NAV2: variants seen among roughly 807,000 people sequenced by gnomAD.
The protein encoded by NAV2 is helicase, APC down-regulated 1.
Under a neutral mutation model 223.2 loss-of-function variants are expected in NAV2, and 54 were observed. That is an observed-to-expected ratio of 0.24 (90% CI 0.19 to 0.30). NAV2 has a LOEUF of 0.30. Ranked by LOEUF, NAV2 falls within the 10% of genes least tolerant of loss-of-function variation. NAV2 has a pLI of 1.00. For missense variants in NAV2, 2,806 were observed against 3,147.5 expected (o/e 0.89, Z 2.60); for synonymous variants, 1,279 against 1,239.3 (o/e 1.03, Z -0.67).
At chr11:19,799,863 C>A (rs2058134887) in intron 1 of NAV2, among the ~76,000 whole-genome samples, 1 of 152,110 alleles carries the variant, frequency 6.6e-6, no homozygotes, top group African/African-American at 2.4e-5. Flanking sequence ...GACAGCAGAG[C>A]CCTGAGAGAC....
intron 1 of NAV2, among the ~76,000 whole-genome samples, chr11:19,429,870 AG>A (rs1427295261): frequency 2.0e-5 from 3 of 152,162 alleles, no homozygotes; most frequent in Non-Finnish European, 2.9e-5. Flanking sequence ...TTTTCCCACC[AG>A]GGCCTCCAAA....
chr11:20,101,022 A>G lies in NAV2; in HGVS notation c.6267A>G (p.Ile2089Met). The stretch of plus-strand genomic sequence containing the variant: ...TGCAGCGCTACGTCTCCCTCCTGAT[A>G]GAGCACCGTCGGATCATTCTCTCTG... ...PILQRYVSLL[I>M]EHRRIILSGP... Residue 2089 changes from isoleucine (I) to methionine (M), a missense_variant, in exon 32 of 38, where the codon ATA becomes ATG. By Grantham distance (10) the Ile-to-Met change is conservative. Around this residue, in one of 4 missense-constraint regions of NAV2, gnomAD observed 824 missense variants for 1,069.4 expected, o/e 0.77. Transcript: ENST00000349880. The G allele has an allele frequency of 6.2e-7, 1 of 1,614,110 alleles. No individual in the cohort carries two copies. The highest frequency in any genetic ancestry group is 8.5e-7 in the Non-Finnish European group (1 of 1,180,018).
At chr11:19,778,988 G>A (rs2056515379) in intron 1 of NAV2, among the ~76,000 whole-genome samples, 1 of 152,208 alleles carries the variant, frequency 6.6e-6, no homozygotes, top group African/African-American at 2.4e-5. Flanking sequence ...CAGGGAAAAC[G>A]TGGAGCCTCC....
chr11:19,800,402 A>G (rs1248296679), intron 1 of NAV2, among the ~76,000 whole-genome samples: 1 of 152,200 alleles, frequency 6.6e-6, no homozygotes, highest in Non-Finnish European at 1.5e-5. Flanking sequence ...GCTTCATAGA[A>G]GTTTTCAAGT....
chr11:19,520,296 G>A (rs1421110336), intron 1 of NAV2, among the ~76,000 whole-genome samples: 3 of 152,200 alleles, frequency 2.0e-5, no homozygotes, highest in South Asian at 2.1e-4. Context: ...AGGCACGCAC[G>A]GCCAGCTACA....
intron 1 of NAV2, among the ~76,000 whole-genome samples, chr11:19,538,146 G>GT (rs2044241127): frequency 6.6e-6 from 1 of 152,132 alleles, no homozygotes. Context: ...GTTTTTTCTG[G>GT]TTCCTATATC....
At chr11:19,357,263 T>C (rs1853673670) in intron 1 of NAV2, among the ~76,000 whole-genome samples, 1 of 152,214 alleles carries the variant, frequency 6.6e-6, no homozygotes, top group South Asian at 2.1e-4. Context: ...GTGTCATTAT[T>C]TATTCCTTTC....
intron 1 of NAV2, among the ~76,000 whole-genome samples, chr11:19,830,107 C>T (rs2059849809): frequency 6.6e-6 from 1 of 152,102 alleles, no homozygotes; most frequent in South Asian, 2.1e-4. Flanking sequence ...CACCTGTAAT[C>T]CCAGCTACTT....
At chr11:20,027,122 G>T (rs113076658) in intron 11 of NAV2, 5,558 of 267,204 alleles carry the variant, frequency 0.021, 82 homozygotes, top group Non-Finnish European at 0.025. Flanking sequence ...TTCTTAACAG[G>T]CCCCAGCAAT....
intron 1 of NAV2, among the ~76,000 whole-genome samples, chr11:19,770,238 A>ATT (rs1334577724): frequency 7.5e-6 from 1 of 133,274 alleles, no homozygotes; most frequent in Non-Finnish European, 1.6e-5. Context: ...TGTGGCAGGA[A>ATT]TTTTTTTTAA....
intron 4 of NAV2, among the ~76,000 whole-genome samples, chr11:19,875,135 T>C (rs1596293): frequency 0.89 from 136,039 of 152,232 alleles, 60,870 homozygotes; most frequent in East Asian, 1. Flanking sequence ...CCAGCCTGGA[T>C]GACAAAGTGA....
At position 19,934,399 on chromosome 11, in the gene NAV2, A is replaced by G. The variant is rs1456616272; in HGVS notation, c.2033+122A>G. 3.4e-6 allele frequency: 4 copies of G among 1,177,666 alleles called. No homozygotes were observed. The African/African-American group carries it at 4.6e-5, about 14-fold the overall frequency. The allele number at this position is 1,177,666 out of a possible 1,614,324, so 73.0% of individuals were successfully genotyped here. Reference sequence around the variant, plus strand: ...CCAGGAATACTTAAGTCAGTAGCTAAGAAACCACGTGATGAACTCCTAAGA... The same window carrying G: ...CCAGGAATACTTAAGTCAGTAGCTAGGAAACCACGTGATGAACTCCTAAGA... On this transcript the variant is annotated intron_variant, in intron 7 of 37. Transcript: ENST00000349880.
chr11:19,578,617 A>G (rs2045632144), intron 1 of NAV2, among the ~76,000 whole-genome samples: 1 of 152,210 alleles, frequency 6.6e-6, no homozygotes, highest in South Asian at 2.1e-4. Context: ...CTCTGAGTAC[A>G]CTAATACCTC....
At chr11:19,461,757 G>A (rs4757001) in intron 1 of NAV2, among the ~76,000 whole-genome samples, 92,626 of 152,134 alleles carry the variant, frequency 0.61, 28,987 homozygotes, top group Non-Finnish European at 0.7. Context: ...ATGGAGTAGC[G>A]AGTATCAGAG....
chr11:19,440,910 GA>G (rs1481989211), intron 1 of NAV2, among the ~76,000 whole-genome samples: 1 of 152,212 alleles, frequency 6.6e-6, no homozygotes, highest in African/African-American at 2.4e-5. Context: ...ACAGCGTCTA[GA>G]AACCAGTACA....
chr11:19,564,489 CAG>C (rs1165423995), intron 1 of NAV2, among the ~76,000 whole-genome samples: 1 of 152,230 alleles, frequency 6.6e-6, no homozygotes, highest in Admixed American at 6.5e-5. Flanking sequence ...AGGCCCTCGG[CAG>C]AGTGCTGGCT....
intron 10 of NAV2, among the ~76,000 whole-genome samples, chr11:19,968,190 TTTTG>T (rs367723103): frequency 0.012 from 1,750 of 152,060 alleles, 36 homozygotes; most frequent in African/African-American, 0.04. Context: ...GTTGATGTAG[TTTTG>T]TTTGTTTGTT....
At chr11:20,075,397 G>C (rs974936399) in intron 22 of NAV2, among the ~76,000 whole-genome samples, 1 of 138,012 alleles carries the variant, frequency 7.2e-6, no homozygotes, top group African/African-American at 2.8e-5. Context: ...CTAGTTTTTT[G>C]TTTGTTTGTT....
chr11:19,888,115 C>A (rs1220131290), intron 5 of NAV2, among the ~76,000 whole-genome samples: 1 of 152,126 alleles, frequency 6.6e-6, no homozygotes, highest in African/African-American at 2.4e-5. Context: ...GTTCCCCCAC[C>A]GCTTACACCA....
Sources: gnomAD v4.1 joint callset for allele counts (sites outside exome capture counted in the v4.1 genomes callset) on GRCh38, gnomAD v4.1.1 for gene constraint, gnomAD v4.1.1 regional missense constraint, MANE v1.5 for transcripts, NCBI Gene and HGNC (gene_info 2026-07-23, HGNC 2026-07-21) for gene names.